PRKG1: variants seen among roughly 807,000 people sequenced by gnomAD.
The protein encoded by PRKG1 is protein kinase cGMP-dependent 1.
A neutral mutation model predicts 88.1 loss-of-function variants in PRKG1; 35 were observed. The observed-to-expected ratio is 0.40, with a 90% confidence interval of 0.30 to 0.53. The LOEUF (loss-of-function observed/expected upper bound fraction) is 0.53. Ranked by LOEUF, PRKG1 falls within the 20% of genes least tolerant of loss-of-function variation. The pLI, the probability that PRKG1 is intolerant of heterozygous loss-of-function variation, is 0.59. For synonymous variants in PRKG1, 303 were observed against 292.5 expected, an observed-to-expected ratio of 1.04 and a Z score of -0.37; for missense variants, 540 against 839.8, an observed-to-expected ratio of 0.64 and a Z score of 4.41.
intron 3 of PRKG1, among the ~76,000 whole-genome samples, chr10:51,769,495 G>GT (rs2132542278): frequency 6.6e-6 from 1 of 152,140 alleles, no homozygotes; most frequent in Admixed American, 6.6e-5. Context: ...TGTATTACTT[G>GT]TTTTTTCAAA....
At chr10:51,496,288 C>T (rs983446639) in intron 3 of PRKG1, among the ~76,000 whole-genome samples, 10 of 152,128 alleles carry the variant, frequency 6.6e-5, no homozygotes, top group South Asian at 2.1e-4. Context: ...TTGCCTTGTA[C>T]GATTAGAGGC....
chr10:51,146,954 T>C (rs1650622567), intron 1 of PRKG1, among the ~76,000 whole-genome samples: 1 of 152,180 alleles, frequency 6.6e-6, no homozygotes, highest in Non-Finnish European at 1.5e-5. Context: ...AACAGAATAC[T>C]ATTTAGCCAT....
chr10:51,890,220 T>G (rs1564694930), intron 4 of PRKG1, among the ~76,000 whole-genome samples: 2 of 152,238 alleles, frequency 1.3e-5, no homozygotes, highest in South Asian at 2.1e-4. Flanking sequence ...TAATCCATCT[T>G]GAATTAATTT....
intron 1 of PRKG1, among the ~76,000 whole-genome samples, chr10:50,996,220 G>A (rs906802020): frequency 7.2e-5 from 11 of 152,124 alleles, no homozygotes; most frequent in Non-Finnish European, 1.2e-4. Flanking sequence ...CCTAAAAGAC[G>A]TCCCCACTTT....
chr10:51,942,678 C>T (rs1842936360), intron 5 of PRKG1, among the ~76,000 whole-genome samples: 1 of 149,466 alleles, frequency 6.7e-6, no homozygotes, highest in Admixed American at 6.6e-5. Flanking sequence ...TATGGCTAGC[C>T]AGTTTTCCCA....
chr10:51,105,421 G>T (rs1309067284), intron 1 of PRKG1, among the ~76,000 whole-genome samples: 2 of 152,178 alleles, frequency 1.3e-5, no homozygotes, highest in East Asian at 3.8e-4. Flanking sequence ...GAAGGAGGGA[G>T]ATAAAAGGTG....
At chr10:51,223,559 T>G (rs1377428000) in intron 2 of PRKG1, among the ~76,000 whole-genome samples, 3 of 152,136 alleles carry the variant, frequency 2.0e-5, no homozygotes, top group Non-Finnish European at 4.4e-5. Flanking sequence ...CATTAAAAAA[T>G]TTGTCCTTTT....
rs1373769008 is a variant in PRKG1 at position 51,499,506 on chromosome 10, AT to A, written c.592+31671del. On this transcript the variant is annotated intron_variant, in intron 3 of 17. Coordinates refer to ENST00000373980, the MANE Select transcript of PRKG1 (RefSeq NM_006258.4). The stretch of plus-strand genomic sequence containing the variant: ...AGGGAATTTTATATCATGTAATTTT[AT>A]CTAATTATCTACTTAAACATGGGAG... Among the ~76,000 whole-genome samples, 6 of 152,226 alleles carry A rather than the reference AT, an allele frequency of 3.9e-5. No individual in the cohort carries two copies. The East Asian group carries it at 1.2e-3, about 29-fold the overall frequency.
intron 9 of PRKG1, among the ~76,000 whole-genome samples, chr10:52,176,200 G>T (rs1392843619): frequency 1.5e-5 from 2 of 134,138 alleles, no homozygotes; most frequent in South Asian, 2.4e-4. Context: ...TTTTTGTAGG[G>T]TGAGAGGTGG....
intron 9 of PRKG1, among the ~76,000 whole-genome samples, chr10:52,184,478 C>A (rs976864857): frequency 6.6e-6 from 1 of 152,098 alleles, no homozygotes; most frequent in African/African-American, 2.4e-5. Context: ...CTAAATTAAT[C>A]TATTCATAGG....
At chr10:51,443,067 G>T (rs1457497956) in intron 2 of PRKG1, among the ~76,000 whole-genome samples, 1 of 145,688 alleles carries the variant, frequency 6.9e-6, no homozygotes, top group Non-Finnish European at 1.5e-5. Context: ...TCTTGAAGGG[G>T]ACATTGTTTA....
intron 2 of PRKG1, among the ~76,000 whole-genome samples, chr10:51,413,160 T>G (rs1288218067): frequency 6.6e-6 from 1 of 152,220 alleles, no homozygotes; most frequent in East Asian, 1.9e-4. Flanking sequence ...CATTCCAAAC[T>G]AAATGATACA....
chr10:51,879,848 A>T (rs1841392595), intron 4 of PRKG1, among the ~76,000 whole-genome samples: 1 of 152,226 alleles, frequency 6.6e-6, no homozygotes, highest in African/African-American at 2.4e-5. Context: ...GATGTTACTC[A>T]GTGGAAGGAA....
At chr10:52,191,755 C>T (rs1015190748) in intron 9 of PRKG1, among the ~76,000 whole-genome samples, 17 of 152,272 alleles carry the variant, frequency 1.1e-4, no homozygotes, top group Non-Finnish European at 2.2e-4. Context: ...TAATCCTTTT[C>T]CTACAAAGTT....
At chr10:51,737,873 C>T (rs1006889690) in intron 3 of PRKG1, among the ~76,000 whole-genome samples, 26 of 151,768 alleles carry the variant, frequency 1.7e-4, no homozygotes, top group Admixed American at 3.3e-4. Flanking sequence ...AAGCGATTCT[C>T]CTGCCTCAGC....
chr10:51,041,973 G>A lies in PRKG1; in HGVS notation c.266+50329G>A, dbSNP rs187560297. On this transcript the variant is annotated intron_variant, in intron 1 of 17. Transcript: ENST00000401604. Reference sequence around the variant, plus strand: ...GTGGGACAGTAAAAGAGGACAGGGAGCACACCCTGCCTGAACCTGAGTCTC... The same window carrying A: ...GTGGGACAGTAAAAGAGGACAGGGAACACACCCTGCCTGAACCTGAGTCTC... Among the ~76,000 whole-genome samples the A allele has an allele frequency of 4.2e-3, 639 of 152,286 alleles. 4 individuals carry two copies. The highest frequency in any genetic ancestry group is 8.3e-3 in the Admixed American group (127 of 15,306).
At chr10:51,325,019 T>C (rs1036607268) in intron 2 of PRKG1, among the ~76,000 whole-genome samples, 27 of 152,194 alleles carry the variant, frequency 1.8e-4, no homozygotes, top group Admixed American at 1.6e-3. Flanking sequence ...AGAACCCCTT[T>C]CTTTACATCC....
intron 2 of PRKG1, among the ~76,000 whole-genome samples, chr10:51,305,122 T>C (rs1589338137): frequency 6.6e-6 from 1 of 152,154 alleles, no homozygotes; most frequent in Non-Finnish European, 1.5e-5. Flanking sequence ...GTCACAGGAC[T>C]GAGCTTGCAT....
intron 5 of PRKG1, among the ~76,000 whole-genome samples, chr10:51,967,804 C>T (rs997743379): frequency 2.0e-5 from 3 of 152,130 alleles, no homozygotes; most frequent in Non-Finnish European, 4.4e-5. Flanking sequence ...CTTCACCACT[C>T]CTCCCCTCTT....
Sources: allele counts gnomAD v4.1 joint callset (sites outside exome capture counted in the v4.1 genomes callset), GRCh38; gene constraint gnomAD v4.1.1; transcripts MANE v1.5; gene names NCBI Gene and HGNC (gene_info 2026-07-23, HGNC 2026-07-21).